Variants in TNN observed in about 807,000 individuals in gnomAD.
TNN encodes tenascin-N.
TNN carries 122 observed loss-of-function variants against 134.4 expected under a neutral mutation model. That is an observed-to-expected ratio of 0.91 (90% CI 0.78 to 1.06). The LOEUF (loss-of-function observed/expected upper bound fraction) is 1.06. Among genes scored for constraint, TNN ranks in the 50% least tolerant of loss-of-function variants. The pLI is 0.00. For synonymous variants in TNN, 710 were observed against 670.3 expected (o/e 1.06, Z -0.91); for missense variants, 1,739 against 1,699.4 (o/e 1.02, Z -0.41).
Position 175,097,491 on chromosome 1 carries a change from C to T in TNN, c.1663C>T (p.Gln555Ter). ...CGCCACCATCTCCTGGGACCCGGTA[C>T]AGGCCACCATTGACAAGTACGTGGT... Reference protein sequence around the residue: ...NTATISWDPVQATIDKYVVRY... With the variant: ...NTATISWDPV The change falls in exon 8 of 19, where the codon CAG becomes TAG. Residue 555 changes from glutamine (Q) to a stop codon, truncating the protein, a stop_gained. Coordinates refer to ENST00000239462, the MANE Select transcript of TNN (RefSeq NM_022093.2). LOFTEE classifies it high-confidence loss of function. The T allele has an allele frequency of 1.2e-6, 2 of 1,614,218 alleles. No individual in the cohort carries two copies. Among genetic ancestry groups the T allele is most frequent in the South Asian group, 2.2e-5 (2 of 91,080 alleles).
rs1574164713 is a variant in TNN, at chr1:175,118,232, G to GATTCTGCA, written c.2387-328_2387-321dup. Among the ~76,000 whole-genome samples the GATTCTGCA allele has an allele frequency of 2.0e-5, 3 of 152,112 alleles. No individual in the cohort carries two copies. The East Asian group carries it at 5.8e-4, about 29-fold the overall frequency. On this transcript the variant is annotated intron_variant, in intron 10 of 18. Transcript: ENST00000239462. ...AGAGACCATGTCTTTTCCAATTCTG[G>GATTCTGCA]ATTCTGCACACTGTCTAGAACATTT...
At chr1:175,125,751 TTCTTTCTC>T (rs1675506100) in intron 12 of TNN, among the ~76,000 whole-genome samples, 19 of 102,870 alleles carry the variant, frequency 1.8e-4, no homozygotes, top group East Asian at 1.6e-3. Flanking sequence ...CTTTCTTTCT[TTCTTTCTC>T]TCTCTCTCCC....
chr1:175,112,085 G>T (rs1675042710), intron 9 of TNN, among the ~76,000 whole-genome samples: 3 of 151,976 alleles, frequency 2.0e-5, no homozygotes, highest in Non-Finnish European at 2.9e-5. Flanking sequence ...TTAGAGAAAA[G>T]CTTTCAGTTT....
intron 6 of TNN, among the ~76,000 whole-genome samples, chr1:175,087,118 A>G (rs770639963): frequency 2.6e-5 from 4 of 152,238 alleles, no homozygotes; most frequent in Non-Finnish European, 4.4e-5. Context: ...AGTATCTGAG[A>G]TAGGCCTTAA....
chr1:175,137,363 AGTGT>A lies in TNN; in HGVS notation c.3595+401_3595+404del, dbSNP rs36158819. On this transcript the variant is annotated intron_variant, in intron 17 of 18. Coordinates refer to ENST00000239462, the MANE Select transcript of TNN (RefSeq NM_022093.2). ...TGGCTGTCATCTTTGTCTGCACAGTAGTGTGTGTGTGTGTGTGTGTGTGTGTGTG... is the reference window on the plus strand; with the variant it reads ...TGGCTGTCATCTTTGTCTGCACAGTAGTGTGTGTGTGTGTGTGTGTGTGTG... Among the ~76,000 whole-genome samples the A allele has an allele frequency of 5.2e-3, 324 of 62,648 alleles. 2 individuals are homozygous for A. The highest frequency in any genetic ancestry group is 8.5e-3 in the South Asian group (20 of 2,350). 41.1% of individuals were successfully genotyped at this position (62,648 alleles called of 152,430 possible). A position where few individuals can be genotyped will look rare whatever the true frequency, so the allele number is the denominator to read the frequency against.
In TNN at chr1:175,148,056, C is replaced by A. The variant is rs1676114936; in HGVS notation, c.*985C>A. On this transcript the variant is annotated 3_prime_UTR_variant, in exon 19 of 19. Transcript: ENST00000239462. ...CCTATTGAAGAAAAAAAATAATAAA[C>A]CACTTGATTTAAAAAAAAATTGCCA... 1 of 152,034 alleles carries A rather than the reference C, an allele frequency of 6.6e-6. No homozygotes were observed. The highest frequency in any genetic ancestry group is 2.4e-5 in the African/African-American group (1 of 41,366). 9.4% of individuals were successfully genotyped at this position (152,034 alleles called of 1,614,324 possible).
intron 13 of TNN, among the ~76,000 whole-genome samples, 168 bp downstream of exon 13, chr1:175,127,253 C>T (rs10798334): frequency 0.43 from 65,754 of 152,066 alleles, 14,667 homozygotes; most frequent in East Asian, 0.67. Flanking sequence ...TTAGTCTTCC[C>T]CAATAAATGT....
chr1:175,077,161 G>C (rs1674060024), intron 1 of TNN, among the ~76,000 whole-genome samples: 1 of 152,094 alleles, frequency 6.6e-6, no homozygotes. Context: ...GTGAAGAGAA[G>C]GGCATCCTGG....
rs202133822 is a variant in TNN, at chr1:175,083,921, G to A, written c.1220G>A (p.Arg407Gln). ...CCCAAGAGCAGTGACCCCAAGAGCCGATATGACATCACTGGTAAGAGCCAT... is the reference window on the plus strand; with the variant it reads ...CCCAAGAGCAGTGACCCCAAGAGCCAATATGACATCACTGGTAAGAGCCAT... ...TVPKSSDPKS[R>Q]YDITGLHPGT... The change falls in exon 5 of 19, where the codon CGA (arginine) becomes CAA (glutamine). Residue 407 changes from arginine (R) to glutamine (Q), a missense_variant. Transcript: ENST00000239462. 9.9e-6 allele frequency: 16 copies of A among 1,613,894 alleles called. No individual in the cohort carries two copies. Among genetic ancestry groups the A allele is most frequent in the South Asian group, 5.5e-5 (5 of 91,026 alleles).
chr1:175,139,037 C>T (rs1263387098), intron 17 of TNN, among the ~76,000 whole-genome samples: 1 of 152,174 alleles, frequency 6.6e-6, no homozygotes, highest in East Asian at 1.9e-4. Context: ...AGGGTACTTA[C>T]TATGAATGGA....
chr1:175,100,910 A>G (rs1456829772), intron 9 of TNN, among the ~76,000 whole-genome samples: 1 of 152,214 alleles, frequency 6.6e-6, no homozygotes, highest in African/African-American at 2.4e-5. Context: ...ATTTATAGGT[A>G]CATGTGATGT....
In TNN at chr1:175,112,598, C is replaced by CTTTTTTTTTTTTTTTTTTTTTT. The variant is rs767531767; in HGVS notation, c.2120-4325_2120-4304dup. Among the ~76,000 whole-genome samples the CTTTTTTTTTTTTTTTTTTTTTT allele has an allele frequency of 1.1e-3, 24 of 21,990 alleles. 9 individuals carry two copies. The highest frequency in any genetic ancestry group is 1.9e-3 in the African/African-American group (12 of 6,270). 14.4% of individuals were successfully genotyped at this position (21,990 alleles called of 152,430 possible). On this transcript the variant is annotated intron_variant, in intron 9 of 18. Coordinates refer to ENST00000239462, the MANE Select transcript of TNN (RefSeq NM_022093.2). ...TTAAAGATCCATTCAGCCGGCCGAT[C>CTTTTTTTTTTTTTTTTTTTTTT]TTTTTTTTTTTTTTTTTTTTTTTTT...
At position 175,134,477 on chromosome 1, in the gene TNN, G is replaced by A. The variant is rs538690010; in HGVS notation, c.3331-1368G>A. Among the ~76,000 whole-genome samples, 10 of 151,390 alleles carry A rather than the reference G, an allele frequency of 6.6e-5. No individual in the cohort carries two copies. In the South Asian group the frequency reaches 1.7e-3, roughly 25 times the overall value. On this transcript the variant is annotated intron_variant, in intron 15 of 18. Coordinates refer to ENST00000239462, the MANE Select transcript of TNN (RefSeq NM_022093.2). ...GGAGAGTCGCTTGAACCCGGGAGGC[G>A]GAGGTTGCAGTAAGCCAAGATCACA...
chr1:175,117,952 A>G (rs1675228119), intron 10 of TNN, among the ~76,000 whole-genome samples: 1 of 152,244 alleles, frequency 6.6e-6, no homozygotes, highest in African/African-American at 2.4e-5. Context: ...GCAAACCAGC[A>G]TGATGAGTGA....
rs3028580 is a variant in TNN at position 175,145,552 on chromosome 1, CAA to C, written c.3759+1024_3759+1025del. Among the ~76,000 whole-genome samples, 27 of 28,912 alleles carry C rather than the reference CAA, an allele frequency of 9.3e-4. 1 individual carries two copies. Among genetic ancestry groups the C allele is most frequent in the Admixed American group, 5.5e-3 (10 of 1,804 alleles). The allele number at this position is 28,912 out of a possible 152,430, so 19.0% of individuals were successfully genotyped here. A position where few individuals can be genotyped will look rare whatever the true frequency, so the allele number is the denominator to read the frequency against. ...TGGGTGGCAGAGCAAGACCCTGTCT[CAA>C]AAAAAAAAAAAAAAAAAAAAAGCTG... is the stretch of plus-strand genomic sequence containing the variant. On this transcript the variant is annotated intron_variant, in intron 18 of 18. Coordinates refer to ENST00000239462, the MANE Select transcript of TNN (RefSeq NM_022093.2).
At chr1:175,109,718 AT>A (rs1214025596) in intron 9 of TNN, among the ~76,000 whole-genome samples, 1 of 149,792 alleles carries the variant, frequency 6.7e-6, no homozygotes, top group Non-Finnish European at 1.5e-5. Context: ...ATATACACAC[AT>A]ACATATATAT....
intron 16 of TNN, 25 bp from the exon 17 acceptor site, chr1:175,136,796 T>C (rs1675822455): frequency 1.2e-6 from 2 of 1,609,382 alleles, no homozygotes; most frequent in Non-Finnish European, 1.7e-6. Context: ...TGATTGATTA[T>C]TGGAATTCCG....
rs1333712107 is a variant in TNN at position 175,123,604 on chromosome 1, A to T, written c.2855A>T (p.His952Leu). ...GLRPGMEYMV[H>L]VWAQKGAQES... Reference sequence around the variant, plus strand: ...AGACCAGGCATGGAGTACATGGTGCACGTGTGGGCCCAGAAGGGGGCCCAG... The same window carrying T: ...AGACCAGGCATGGAGTACATGGTGCTCGTGTGGGCCCAGAAGGGGGCCCAG... Residue 952 changes from histidine (H) to leucine (L), a missense_variant, in exon 12 of 19, where the codon CAC becomes CTC. By Grantham distance (99) the His-to-Leu change is moderately conservative. Coordinates refer to ENST00000239462, the MANE Select transcript of TNN (RefSeq NM_022093.2). 6.2e-7 allele frequency: 1 copy of T among 1,614,202 alleles called. No individual in the cohort carries two copies. The highest frequency in any genetic ancestry group is 8.5e-7 in the Non-Finnish European group (1 of 1,180,040).
At chr1:175,112,175 A>G (rs183124162) in intron 9 of TNN, among the ~76,000 whole-genome samples, 1 of 151,868 alleles carries the variant, frequency 6.6e-6, no homozygotes, top group African/African-American at 2.4e-5. Context: ...TTTTATATCT[A>G]GCTTGTTTAG....
Sources: gnomAD v4.1 joint callset for allele counts (sites outside exome capture counted in the v4.1 genomes callset) on GRCh38, gnomAD v4.1.1 for gene constraint, MANE v1.5 for transcripts, NCBI Gene and HGNC (gene_info 2026-07-23, HGNC 2026-07-21) for gene names.